HHIP: variants seen among roughly 807,000 people sequenced by gnomAD.
HHIP encodes hedgehog interacting protein.
A neutral mutation model predicts 74.0 loss-of-function variants in HHIP; 12 were observed. The ratio of observed to expected loss-of-function variants is 0.16; its 90% CI spans 0.10 to 0.26. The LOEUF (loss-of-function observed/expected upper bound fraction) is 0.26. Ranked by LOEUF, HHIP falls within the 10% of genes least tolerant of loss-of-function variation. HHIP has a pLI of 1.00. For missense variants in HHIP, 788 were observed against 845.0 expected (o/e 0.93, Z 0.84); for synonymous variants, 309 against 311.6 (o/e 0.99, Z 0.09).
chr4:144,725,864 T>TCTATC (rs1730789561), intron 11 of HHIP, among the ~76,000 whole-genome samples: 2 of 152,068 alleles, frequency 1.3e-5, no homozygotes, highest in Non-Finnish European at 2.9e-5. Flanking sequence ...GAGACGGGGG[T>TCTATC]TTCACCATGT....
chr4:144,702,859 C>T (rs747511114), intron 4 of HHIP, among the ~76,000 whole-genome samples: 1 of 152,130 alleles, frequency 6.6e-6, no homozygotes, highest in East Asian at 1.9e-4. Context: ...AATATTTAGA[C>T]AAATCACTGC....
intron 4 of HHIP, 54 bp downstream of exon 4, chr4:144,659,892 A>C: frequency 7.7e-7 from 1 of 1,303,918 alleles, no homozygotes. Flanking sequence ...ATTTTATTTT[A>C]GTGTTACCTT....
intron 8 of HHIP, 54 bp from the exon 9 acceptor site, chr4:144,714,171 C>T (rs1730379725): frequency 2.0e-6 from 3 of 1,518,390 alleles, no homozygotes; most frequent in South Asian, 1.1e-5. Flanking sequence ...GTGTACATTC[C>T]TTTTACTTTA....
intron 11 of HHIP, among the ~76,000 whole-genome samples, chr4:144,724,610 TATC>T (rs1730739152): frequency 6.7e-6 from 1 of 149,510 alleles, no homozygotes; most frequent in African/African-American, 2.5e-5. Context: ...CTTACCTACT[TATC>T]ATTATTTCTG....
intron 4 of HHIP, among the ~76,000 whole-genome samples, chr4:144,705,641 C>T (rs1436978312): frequency 6.6e-6 from 1 of 152,030 alleles, no homozygotes; most frequent in African/African-American, 2.4e-5. Flanking sequence ...AAGGCTAAGA[C>T]CATATTGAAT....
At chr4:144,659,959 G>C (rs191635463) in intron 4 of HHIP, 121 bp downstream of exon 4, 9 of 712,860 alleles carry the variant, frequency 1.3e-5, no homozygotes, top group Admixed American at 2.8e-5. Flanking sequence ...AGAAAATAAG[G>C]GGGCAACATA....
chr4:144,715,154 C>T (rs969894900), intron 9 of HHIP, 146 bp from the exon 10 acceptor site: 41 of 664,922 alleles, frequency 6.2e-5, no homozygotes, highest in Middle Eastern at 6.5e-4. Flanking sequence ...TACTCACACA[C>T]GTTATGGGCT....
In HHIP at chr4:144,739,442, C is replaced by T. The variant is rs1731210859; in HGVS notation, c.*1485C>T. The T allele has an allele frequency of 1.3e-5, 2 of 152,228 alleles. No individual in the cohort carries two copies. Among genetic ancestry groups the T allele is most frequent in the Admixed American group, 6.5e-5 (1 of 15,276 alleles). 9.4% of individuals were successfully genotyped at this position (152,228 alleles called of 1,614,324 possible). A position where few individuals can be genotyped will look rare whatever the true frequency, so the allele number is the denominator to read the frequency against. ...GTATAGATTATGCAGCGCCAGCTGA[C>T]TTTCTAAACCTTCTCCTTACCTTTA... On this transcript the variant is annotated 3_prime_UTR_variant, in exon 13 of 13. Coordinates refer to ENST00000296575, the MANE Select transcript of HHIP (RefSeq NM_022475.3).
Position 144,743,623 on chromosome 4 carries a change from T to C in HHIP, c.*5666T>C, listed in dbSNP as rs1251092114. 2 of 152,010 alleles carry C rather than the reference T, an allele frequency of 1.3e-5. No individual in the cohort carries two copies. Among genetic ancestry groups the C allele is most frequent in the African/African-American group, 4.8e-5 (2 of 41,436 alleles). 9.4% of individuals were successfully genotyped at this position (152,010 alleles called of 1,614,324 possible). On this transcript the variant is annotated 3_prime_UTR_variant, in exon 13 of 13. Coordinates refer to ENST00000296575, the MANE Select transcript of HHIP (RefSeq NM_022475.3). ...ATGTATTACTTAAATCCAAAATACA[T>C]GTGTGTATATATATACATATATATG...
chr4:144,686,364 A>T (rs892903039), intron 4 of HHIP, among the ~76,000 whole-genome samples: 2 of 152,196 alleles, frequency 1.3e-5, no homozygotes, highest in African/African-American at 4.8e-5. Context: ...CAAAGATTTT[A>T]AAAACTCCGT....
intron 11 of HHIP, among the ~76,000 whole-genome samples, chr4:144,726,560 G>A (rs2126680698): frequency 6.6e-6 from 1 of 152,280 alleles, no homozygotes. Context: ...AGTTCTTGAT[G>A]TAGGTAAAAT....
intron 4 of HHIP, among the ~76,000 whole-genome samples, chr4:144,682,520 A>G (rs1382864684): frequency 6.6e-6 from 1 of 152,224 alleles, no homozygotes; most frequent in Admixed American, 6.5e-5. Context: ...TGTAAACTTG[A>G]AACTTCTCTA....
chr4:144,719,127 T>C (rs1730555444), intron 11 of HHIP, among the ~76,000 whole-genome samples, 171 bp downstream of exon 11: 1 of 152,170 alleles, frequency 6.6e-6, no homozygotes, highest in South Asian at 2.1e-4. Context: ...CTGTCTATGA[T>C]GACTGATGCC....
At position 144,734,790 on chromosome 4, in the gene HHIP, C is replaced by T. The variant is rs745607361; in HGVS notation, c.1810C>T (p.Leu604=). 10 of 1,611,972 alleles carry T rather than the reference C, an allele frequency of 6.2e-6. No homozygotes were observed. The highest frequency in any genetic ancestry group is 4.5e-5 in the East Asian group (2 of 44,854). ...CRATVQPAQT[L]TSECSRLCRN... Reference sequence around the variant, plus strand: ...AGCCACGGTACAACCTGCACAGACACTGACTTCAGAGTGCTCCAGGCTCTG... The same window carrying T: ...AGCCACGGTACAACCTGCACAGACATTGACTTCAGAGTGCTCCAGGCTCTG... The change falls in exon 12 of 13, where the codon CTG becomes TTG. Residue 604 remains leucine, a synonymous_variant. Transcript: ENST00000296575.
intron 11 of HHIP, among the ~76,000 whole-genome samples, chr4:144,732,760 G>A (rs1244856223): frequency 6.6e-6 from 1 of 152,168 alleles, no homozygotes; most frequent in African/African-American, 2.4e-5. Context: ...GTGAGAGTAG[G>A]TACCTGCAAA....
chr4:144,696,822 C>T (rs1370878441), intron 4 of HHIP, among the ~76,000 whole-genome samples: 1 of 151,862 alleles, frequency 6.6e-6, no homozygotes, highest in African/African-American at 2.4e-5. Flanking sequence ...GCAGTAAGAA[C>T]TCAGTACATC....
intron 1 of HHIP, among the ~76,000 whole-genome samples, chr4:144,649,696 C>T (rs1000419966): frequency 1.3e-5 from 2 of 152,116 alleles, no homozygotes; most frequent in Admixed American, 6.5e-5. Flanking sequence ...GCTCTCTCTA[C>T]CTTGGGTGGT....
Position 144,719,444 on chromosome 4 carries a change from G to A in HHIP, c.1760+488G>A, listed in dbSNP as rs536900518. 2.7e-4 allele frequency among the ~76,000 whole-genome samples: 41 copies of A among 152,322 alleles called. 1 individual carries two copies. In the South Asian group the frequency reaches 8.3e-3, roughly 31 times the overall value. ...AAAGCTTGCAGTGCTCATGAAGACT[G>A]TGGTGACTAGACAAATAAAAACTTA... On this transcript the variant is annotated intron_variant, in intron 11 of 12. Transcript: ENST00000296575.
At chr4:144,730,873 T>A (rs1730936199) in intron 11 of HHIP, among the ~76,000 whole-genome samples, 1 of 152,178 alleles carries the variant, frequency 6.6e-6, no homozygotes, top group African/African-American at 2.4e-5. Context: ...CAAAAATCTT[T>A]GTCAGACGTT....
Sources: gnomAD v4.1 joint callset for allele counts (sites outside exome capture counted in the v4.1 genomes callset) on GRCh38, gnomAD v4.1.1 for gene constraint, MANE v1.5 for transcripts, NCBI Gene and HGNC (gene_info 2026-07-23, HGNC 2026-07-21) for gene names.